TCF12: variants seen among roughly 807,000 people sequenced by gnomAD.
TCF12 encodes transcription factor 12, also known as DNA-binding protein HTF4.
TCF12 carries 45 observed loss-of-function variants against 86.0 expected under a neutral mutation model. That is an observed-to-expected ratio of 0.52 (90% CI 0.41 to 0.67). TCF12 has a LOEUF of 0.67. Ranked by LOEUF, TCF12 falls within the 30% of genes least tolerant of loss-of-function variation. The probability of loss-of-function intolerance (pLI) is 0.00; values close to 1 mark genes in which losing one functional copy is unlikely to be tolerated. For missense variants in TCF12, 881 were observed against 859.9 expected (o/e 1.02, Z -0.31); for synonymous variants, 330 against 299.6 (o/e 1.10, Z -1.05).
At chr15:57,001,225 G>T (rs1420111459) in intron 3 of TCF12, 5 of 160,456 alleles carry the variant, frequency 3.1e-5, no homozygotes, top group Non-Finnish European at 6.9e-5. Flanking sequence ...ATGTTGGCCA[G>T]GCTGGTCTTG....
At chr15:56,985,412 G>C (rs1435054945) in intron 3 of TCF12, among the ~76,000 whole-genome samples, 1 of 152,074 alleles carries the variant, frequency 6.6e-6, no homozygotes, top group African/African-American at 2.4e-5. Flanking sequence ...AACTAATTTT[G>C]GCTACTAAAT....
chr15:57,141,247 G>T (rs897277331), intron 5 of TCF12, among the ~76,000 whole-genome samples: 1 of 152,086 alleles, frequency 6.6e-6, no homozygotes, highest in African/African-American at 2.4e-5. Context: ...TCTTACTATG[G>T]CCCCAGATAT....
chr15:57,006,871 G>A (rs908618370), intron 3 of TCF12, among the ~76,000 whole-genome samples: 3 of 152,192 alleles, frequency 2.0e-5, no homozygotes, highest in Middle Eastern at 3.4e-3. Context: ...AGCCGAGATC[G>A]CACCACTGCA....
chr15:57,222,724 G>A (rs931051669), intron 8 of TCF12, among the ~76,000 whole-genome samples: 4 of 140,796 alleles, frequency 2.8e-5, no homozygotes, highest in Non-Finnish European at 3.1e-5. Context: ...GAGAGCAAAG[G>A]AAAGAAAAGT....
At chr15:57,135,185 C>T (rs1219674716) in intron 5 of TCF12, among the ~76,000 whole-genome samples, 3 of 152,138 alleles carry the variant, frequency 2.0e-5, no homozygotes, top group African/African-American at 7.2e-5. Context: ...TTGGGGATCA[C>T]AGGTTTGTAG....
At chr15:57,245,240 C>T (rs1255736311) in intron 13 of TCF12, among the ~76,000 whole-genome samples, 1 of 152,214 alleles carries the variant, frequency 6.6e-6, no homozygotes, top group East Asian at 1.9e-4. Context: ...TGATGAACTG[C>T]TGGCAGCTGC....
intron 3 of TCF12, among the ~76,000 whole-genome samples, chr15:56,984,164 T>A (rs1227265876): frequency 6.6e-6 from 1 of 151,988 alleles, no homozygotes; most frequent in Non-Finnish European, 1.5e-5. Flanking sequence ...TGGTTGAAAT[T>A]ATGTGTATAA....
At chr15:57,093,306 G>A (rs936108236) in intron 5 of TCF12, among the ~76,000 whole-genome samples, 9 of 151,976 alleles carry the variant, frequency 5.9e-5, no homozygotes, top group African/African-American at 1.5e-4. Flanking sequence ...ATTTCCTTTC[G>A]GAGTACAACT....
At chr15:56,978,201 T>C (rs1430794174) in intron 3 of TCF12, among the ~76,000 whole-genome samples, 5 of 152,206 alleles carry the variant, frequency 3.3e-5, no homozygotes, top group Non-Finnish European at 7.3e-5. Flanking sequence ...CAAAACTCGG[T>C]TCATTGTACT....
intron 8 of TCF12, among the ~76,000 whole-genome samples, chr15:57,216,831 G>A (rs931199652): frequency 5.3e-5 from 8 of 152,018 alleles, no homozygotes; most frequent in South Asian, 4.1e-4. Flanking sequence ...CAGACTTCAA[G>A]AAAAATGCTG....
chr15:56,922,845 A>G (rs191879149), intron 3 of TCF12, among the ~76,000 whole-genome samples: 9 of 152,130 alleles, frequency 5.9e-5, no homozygotes, highest in African/African-American at 2.2e-4. Flanking sequence ...TGGTAGATAT[A>G]ATTTTTCTGT....
At chr15:57,210,961 C>G (rs1185576512) in intron 8 of TCF12, among the ~76,000 whole-genome samples, 3 of 152,194 alleles carry the variant, frequency 2.0e-5, no homozygotes, top group Non-Finnish European at 4.4e-5. Context: ...GGAGCCTCAG[C>G]CCACTTACTT....
chr15:57,100,842 T>A (rs554654839), intron 5 of TCF12, among the ~76,000 whole-genome samples: 245 of 152,276 alleles, frequency 1.6e-3, no homozygotes, highest in Non-Finnish European at 2.8e-3. Flanking sequence ...AATAATTTTT[T>A]AAAAAAATTT....
chr15:57,263,384 T>C, intron 18 of TCF12, 110 bp downstream of exon 18: 1 of 1,157,678 alleles, frequency 8.6e-7, no homozygotes, highest in Non-Finnish European at 1.2e-6. Flanking sequence ...CTAGATATTG[T>C]GTTAGGATTT....
intron 5 of TCF12, among the ~76,000 whole-genome samples, chr15:57,133,625 T>TG (rs1491468287): frequency 2.2e-4 from 6 of 27,358 alleles, no homozygotes; most frequent in Non-Finnish European, 3.3e-4. Flanking sequence ...CAGTAATGTG[T>TG]TTTTTTTTTT....
At chr15:57,137,812 A>G (rs2052663384) in intron 5 of TCF12, among the ~76,000 whole-genome samples, 1 of 152,140 alleles carries the variant, frequency 6.6e-6, no homozygotes, top group Non-Finnish European at 1.5e-5. Context: ...GCGGATCACG[A>G]GATCAGGAGT....
At chr15:57,271,681 G>C (rs1359706574) in intron 18 of TCF12, among the ~76,000 whole-genome samples, 1 of 152,170 alleles carries the variant, frequency 6.6e-6, no homozygotes, top group East Asian at 1.9e-4. Context: ...CGATCTCACT[G>C]GGAGCTGTAG....
intron 6 of TCF12, among the ~76,000 whole-genome samples, chr15:57,170,295 A>C (rs764738072): frequency 6.6e-6 from 1 of 150,878 alleles, no homozygotes; most frequent in Admixed American, 6.6e-5. Flanking sequence ...TTTTGAGGCA[A>C]GGTTTCACTC....
At chr15:57,196,415 C>T (rs1421820208) in intron 7 of TCF12, among the ~76,000 whole-genome samples, 1 of 152,132 alleles carries the variant, frequency 6.6e-6, no homozygotes, top group Non-Finnish European at 1.5e-5. Flanking sequence ...CCTCAGGGAT[C>T]GTGGAACCAA....
Sources: gnomAD v4.1 joint callset for allele counts (sites outside exome capture counted in the v4.1 genomes callset) on GRCh38, gnomAD v4.1.1 for gene constraint, MANE v1.5 for transcripts, NCBI Gene and HGNC (gene_info 2026-07-23, HGNC 2026-07-21) for gene names.